LANCL2: variants seen among roughly 807,000 people sequenced by gnomAD.
LANCL2 encodes the protein lanC-like protein 2.
LANCL2 carries 33 observed loss-of-function variants against 56.9 expected under a neutral mutation model. That is an observed-to-expected ratio of 0.58 (90% CI 0.44 to 0.78). LANCL2 has a LOEUF of 0.78. LANCL2 is among the 30% of genes least tolerant of loss of function. The pLI is 0.00. For missense variants in LANCL2, 562 were observed against 580.2 expected (o/e 0.97, Z 0.32); for synonymous variants, 233 against 228.2 (o/e 1.02, Z -0.19).
rs3778865 is a variant in LANCL2, at chr7:55,427,427, T to C, written c.1186-948T>C. ...AGGAAGAATGAGGCGGGCTTGGGTT[T>C]CCCCAAATAGTGGTTTAGTAATTAA... On this transcript the variant is annotated intron_variant, in intron 7 of 8. Transcript: ENST00000254770. Among the ~76,000 whole-genome samples the C allele has an allele frequency of 3.3e-5, 5 of 152,336 alleles. No individual in the cohort carries two copies. The East Asian group carries it at 9.6e-4, about 29-fold the overall frequency.
At chr7:55,397,602 C>T (rs1210823331) in intron 2 of LANCL2, among the ~76,000 whole-genome samples, 2 of 150,580 alleles carry the variant, frequency 1.3e-5, no homozygotes, top group Non-Finnish European at 2.9e-5. Flanking sequence ...CATGTCATCT[C>T]TGTCAATGTT....
chr7:55,419,641 A>G (rs1790587595), intron 6 of LANCL2, among the ~76,000 whole-genome samples: 1 of 151,914 alleles, frequency 6.6e-6, no homozygotes, highest in African/African-American at 2.4e-5. Flanking sequence ...ACCTCAGGTG[A>G]TCCGCCTGCT....
chr7:55,405,982 G>A (rs1196816632), intron 5 of LANCL2, among the ~76,000 whole-genome samples: 1 of 152,186 alleles, frequency 6.6e-6, no homozygotes, highest in Non-Finnish European at 1.5e-5. Flanking sequence ...ATTCAGAAAT[G>A]TGGAAAGGAG....
intron 6 of LANCL2, among the ~76,000 whole-genome samples, chr7:55,423,160 T>C (rs1189412905): frequency 6.6e-6 from 1 of 152,234 alleles, no homozygotes; most frequent in East Asian, 1.9e-4. Flanking sequence ...GGAGCTTTTT[T>C]CTATAGTTCT....
intron 4 of LANCL2, among the ~76,000 whole-genome samples, 163 bp downstream of exon 4, chr7:55,400,267 C>CA (rs1304030636): frequency 6.6e-6 from 1 of 151,952 alleles, no homozygotes; most frequent in Admixed American, 6.6e-5. Flanking sequence ...GGAACATTAA[C>CA]AAAAAAAATC....
chr7:55,406,389 G>A (rs74588711), intron 5 of LANCL2, among the ~76,000 whole-genome samples: 218 of 151,984 alleles, frequency 1.4e-3, no homozygotes, highest in African/African-American at 5.1e-3. Flanking sequence ...ACAGAAGATG[G>A]GGGAGCAGTC....
intron 1 of LANCL2, among the ~76,000 whole-genome samples, chr7:55,381,631 T>C (rs1276617283): frequency 6.6e-6 from 1 of 152,184 alleles, no homozygotes; most frequent in Non-Finnish European, 1.5e-5. Context: ...GAAAAATAGG[T>C]TTTCCTCTTA....
chr7:55,408,828 G>A (rs899696860), intron 5 of LANCL2, among the ~76,000 whole-genome samples: 5 of 150,864 alleles, frequency 3.3e-5, no homozygotes, highest in African/African-American at 2.4e-5. Flanking sequence ...AACATTAGAC[G>A]GGAAATAGCT....
chr7:55,392,773 T>A (rs1048080703), intron 2 of LANCL2, among the ~76,000 whole-genome samples: 2 of 152,174 alleles, frequency 1.3e-5, no homozygotes, highest in Non-Finnish European at 2.9e-5. Flanking sequence ...GTCTTTTTTT[T>A]ATAACATTAT....
intron 5 of LANCL2, among the ~76,000 whole-genome samples, chr7:55,404,393 A>G (rs1790380838): frequency 6.6e-6 from 1 of 152,264 alleles, no homozygotes; most frequent in Admixed American, 6.5e-5. Flanking sequence ...ATTAGAATTT[A>G]GATATCTTAG....
intron 8 of LANCL2, among the ~76,000 whole-genome samples, chr7:55,430,394 A>T (rs1790714701): frequency 6.6e-6 from 1 of 152,196 alleles, no homozygotes; most frequent in Admixed American, 6.5e-5. Flanking sequence ...GGCCATGCTC[A>T]TAAGAGTGCC....
chr7:55,368,002 TG>T (rs1390409573), intron 1 of LANCL2, among the ~76,000 whole-genome samples: 2 of 152,244 alleles, frequency 1.3e-5, no homozygotes, highest in Non-Finnish European at 2.9e-5. Flanking sequence ...AATAAAAATC[TG>T]GCAAGCATTG....
rs1790751013 is a variant in LANCL2, at chr7:55,433,163, G to A, written c.*1843G>A. Reference sequence around the variant, plus strand: ...TCCAGGGCAGCCCCTCTCAGACGAGGAGGCAGCGGGTGCAGCCAGGTGTCT... The same window carrying A: ...TCCAGGGCAGCCCCTCTCAGACGAGAAGGCAGCGGGTGCAGCCAGGTGTCT... On this transcript the variant is annotated 3_prime_UTR_variant, in exon 9 of 9. Transcript: ENST00000254770. 1 of 152,360 alleles carries A rather than the reference G, an allele frequency of 6.6e-6. No individual in the cohort carries two copies. The highest frequency in any genetic ancestry group is 6.5e-5 in the Admixed American group (1 of 15,282). 9.4% of individuals were successfully genotyped at this position (152,360 alleles called of 1,614,324 possible).
At chr7:55,406,654 T>C (rs1562865686) in intron 5 of LANCL2, among the ~76,000 whole-genome samples, 1 of 152,186 alleles carries the variant, frequency 6.6e-6, no homozygotes, top group Non-Finnish European at 1.5e-5. Flanking sequence ...CATGTAAAAG[T>C]GGTAGTTTCA....
intron 5 of LANCL2, among the ~76,000 whole-genome samples, chr7:55,403,569 G>GTTTTTT (rs34481346): frequency 5.0e-5 from 5 of 99,484 alleles, no homozygotes; most frequent in Non-Finnish European, 1.0e-4. Flanking sequence ...TTTGTTTGTT[G>GTTTTTT]TTTTTTTTTT....
intron 5 of LANCL2, among the ~76,000 whole-genome samples, chr7:55,408,979 CA>C (rs35907460): frequency 0.61 from 70,616 of 116,236 alleles, 17,854 homozygotes; most frequent in Admixed American, 0.67. Context: ...AACTCTGTCT[CA>C]AAAAAAAAAA....
intron 1 of LANCL2, among the ~76,000 whole-genome samples, chr7:55,381,683 G>A (rs982307932): frequency 2.0e-5 from 3 of 152,146 alleles, no homozygotes; most frequent in Non-Finnish European, 2.9e-5. Context: ...TGTAACAAAA[G>A]ACAAATTAAC....
At chr7:55,420,525 G>T (rs904743774) in intron 6 of LANCL2, among the ~76,000 whole-genome samples, 1 of 152,226 alleles carries the variant, frequency 6.6e-6, no homozygotes, top group Non-Finnish European at 1.5e-5. Flanking sequence ...CTAGTTGTCA[G>T]GCATAGTGTG....
chr7:55,386,373 C>T (rs977619388), intron 1 of LANCL2, among the ~76,000 whole-genome samples: 3 of 152,198 alleles, frequency 2.0e-5, no homozygotes, highest in Non-Finnish European at 4.4e-5. Flanking sequence ...ATTAAATCTT[C>T]ACAATCCACA....
Sources: allele counts gnomAD v4.1 joint callset (sites outside exome capture counted in the v4.1 genomes callset), GRCh38; gene constraint gnomAD v4.1.1; transcripts MANE v1.5; gene names NCBI Gene and HGNC (gene_info 2026-07-23, HGNC 2026-07-21).